The following UBASH3B variants were observed in gnomAD, a reference collection of about 807,000 sequenced individuals.
UBASH3B encodes the protein ubiquitin associated and SH3 domain containing B, also known as ubiquitin-associated and SH3 domain-containing protein B.
UBASH3B carries 37 observed loss-of-function variants against 83.4 expected under a neutral mutation model. That is an observed-to-expected ratio of 0.44 (90% CI 0.34 to 0.58). The LOEUF is 0.58. Among genes scored for constraint, UBASH3B ranks in the 20% least tolerant of loss-of-function variants. The pLI is 0.01. For synonymous variants in UBASH3B, 304 were observed against 318.3 expected (o/e 0.96, Z 0.48); for missense variants, 657 against 827.2 (o/e 0.79, Z 2.52).
intron 1 of UBASH3B, among the ~76,000 whole-genome samples, chr11:122,679,582 T>G (rs1286646679): frequency 6.6e-6 from 1 of 152,192 alleles, no homozygotes; most frequent in African/African-American, 2.4e-5. Flanking sequence ...CTGGGACACC[T>G]TGATCTCTAG....
chr11:122,738,053 A>C (rs895688794), intron 1 of UBASH3B, among the ~76,000 whole-genome samples: 1 of 152,234 alleles, frequency 6.6e-6, no homozygotes, highest in Non-Finnish European at 1.5e-5. Context: ...CATAATCAGG[A>C]AAGTAAAAGT....
chr11:122,714,192 C>A (rs1481913847), intron 1 of UBASH3B, among the ~76,000 whole-genome samples: 1 of 152,202 alleles, frequency 6.6e-6, no homozygotes, highest in African/African-American at 2.4e-5. Flanking sequence ...GGGGCTCCCC[C>A]TTCGCTCATA....
chr11:122,731,539 A>G (rs1339866873), intron 1 of UBASH3B, among the ~76,000 whole-genome samples: 1 of 131,846 alleles, frequency 7.6e-6, no homozygotes, highest in African/African-American at 2.5e-5. Context: ...TCACTAGATA[A>G]CTAAGTGACT....
intron 1 of UBASH3B, among the ~76,000 whole-genome samples, chr11:122,662,972 CTTTTTTTTT>C (rs568564848): frequency 8.1e-5 from 9 of 110,596 alleles, no homozygotes; most frequent in African/African-American, 2.6e-4. Context: ...GCGCTAATGT[CTTTTTTTTT>C]TTTTTTTTTT....
chr11:122,788,665 C>G (rs938436554), intron 5 of UBASH3B, among the ~76,000 whole-genome samples: 6 of 151,948 alleles, frequency 3.9e-5, no homozygotes, highest in Non-Finnish European at 5.9e-5. Context: ...AGACACTCCA[C>G]CTGGCCCCTC....
chr11:122,777,326 C>T, intron 3 of UBASH3B, 116 bp downstream of exon 3: 2 of 1,162,978 alleles, frequency 1.7e-6, no homozygotes, highest in Non-Finnish European at 1.2e-6. Flanking sequence ...GTCACAGGCT[C>T]CTACAGCTGG....
chr11:122,805,304 C>T (rs971201000), intron 11 of UBASH3B, among the ~76,000 whole-genome samples: 5 of 152,042 alleles, frequency 3.3e-5, no homozygotes, highest in African/African-American at 4.8e-5. Flanking sequence ...CCGAGGTGGG[C>T]GGATCATCTG....
intron 1 of UBASH3B, among the ~76,000 whole-genome samples, chr11:122,723,312 A>G (rs994273785): frequency 6.6e-6 from 1 of 152,222 alleles, no homozygotes; most frequent in Non-Finnish European, 1.5e-5. Context: ...TCCTTTGCAG[A>G]TGTGACTCAA....
chr11:122,680,372 T>G (rs776131087), intron 1 of UBASH3B, among the ~76,000 whole-genome samples: 1 of 152,354 alleles, frequency 6.6e-6, no homozygotes, highest in South Asian at 2.1e-4. Flanking sequence ...AAATAGAGAC[T>G]CAGAGTGGGA....
chr11:122,668,948 C>T (rs1863555914), intron 1 of UBASH3B, among the ~76,000 whole-genome samples: 1 of 152,142 alleles, frequency 6.6e-6, no homozygotes, highest in Non-Finnish European at 1.5e-5. Flanking sequence ...CTCGAGAAGC[C>T]ATCTCCACCA....
At chr11:122,697,621 C>A (rs982755003) in intron 1 of UBASH3B, among the ~76,000 whole-genome samples, 1 of 152,156 alleles carries the variant, frequency 6.6e-6, no homozygotes, top group Non-Finnish European at 1.5e-5. Flanking sequence ...ATCCTTTTTC[C>A]TCCACCATCC....
chr11:122,723,253 T>C (rs1172930475), intron 1 of UBASH3B, among the ~76,000 whole-genome samples: 1 of 152,226 alleles, frequency 6.6e-6, no homozygotes, highest in East Asian at 1.9e-4. Flanking sequence ...AGCCCTTTTG[T>C]ATATAATATT....
At chr11:122,783,799 G>A (rs79871526) in intron 5 of UBASH3B, among the ~76,000 whole-genome samples, 3,900 of 152,284 alleles carry the variant, frequency 0.026, 79 homozygotes, top group Non-Finnish European at 0.038. Flanking sequence ...GAGAGTTTCT[G>A]CACATCCCAG....
intron 1 of UBASH3B, among the ~76,000 whole-genome samples, chr11:122,720,664 A>G (rs1373813279): frequency 3.3e-5 from 5 of 152,096 alleles, no homozygotes; most frequent in Admixed American, 3.3e-4. Flanking sequence ...AATACACTAC[A>G]CACGCCATTG....
intron 1 of UBASH3B, among the ~76,000 whole-genome samples, chr11:122,700,465 C>G (rs1157242150): frequency 6.8e-6 from 1 of 146,244 alleles, no homozygotes; most frequent in African/African-American, 2.6e-5. Flanking sequence ...TTCATATGTT[C>G]ATCTTACTCA....
chr11:122,779,740 A>G (rs1305738350), intron 4 of UBASH3B, 45 bp downstream of exon 4: 1 of 1,609,048 alleles, frequency 6.2e-7, no homozygotes, highest in Non-Finnish European at 8.5e-7. Context: ...TGTCAATCAA[A>G]GAGTTGGAAA....
intron 1 of UBASH3B, among the ~76,000 whole-genome samples, chr11:122,727,911 C>T (rs537442218): frequency 6.6e-6 from 1 of 152,254 alleles, no homozygotes; most frequent in African/African-American, 2.4e-5. Flanking sequence ...AGCAGTGGCC[C>T]AGTCCCTATC....
chr11:122,701,404 T>C (rs1864038702), intron 1 of UBASH3B, among the ~76,000 whole-genome samples: 1 of 152,180 alleles, frequency 6.6e-6, no homozygotes, highest in Non-Finnish European at 1.5e-5. Context: ...TGAACTCTTA[T>C]TAATGAGAAC....
intron 1 of UBASH3B, among the ~76,000 whole-genome samples, chr11:122,682,022 G>A (rs1863746166): frequency 6.6e-6 from 1 of 152,094 alleles, no homozygotes. Context: ...CCCATCTCCT[G>A]TCTGTTCTCC....
Sources: gnomAD v4.1 joint callset for allele counts (sites outside exome capture counted in the v4.1 genomes callset) on GRCh38, gnomAD v4.1.1 for gene constraint, MANE v1.5 for transcripts, NCBI Gene and HGNC (gene_info 2026-07-23, HGNC 2026-07-21) for gene names.